The following RYR2 variants were observed in gnomAD, a reference collection of about 807,000 sequenced individuals.
The protein encoded by RYR2 is ryanodine receptor 2, also known as cardiac muscle ryanodine receptor-calcium release channel.
RYR2 carries 227 observed loss-of-function variants against 601.1 expected under a neutral mutation model. That is an observed-to-expected ratio of 0.38 (90% confidence interval 0.34 to 0.42). The LOEUF is 0.42. Ranked by LOEUF, RYR2 falls within the 10% of genes least tolerant of loss-of-function variation. The pLI, the probability that RYR2 is intolerant of heterozygous loss-of-function variation, is 1.00. For missense variants in RYR2, 4,646 were observed against 6,156.5 expected (o/e 0.75, Z 8.21); for synonymous variants, 2,223 against 2,175.1 (o/e 1.02, Z -0.61).
chr1:237,053,111 T>C (rs558144254), intron 1 of RYR2, among the ~76,000 whole-genome samples: 13 of 152,282 alleles, frequency 8.5e-5, no homozygotes, highest in African/African-American at 3.1e-4. Flanking sequence ...CCTCCCAAAG[T>C]GCTGGGATTA....
Position 237,696,775 on chromosome 1 carries a change from GCTCACCTCA to G in RYR2, c.9068-2188_9068-2180del, listed in dbSNP as rs534481563. Reference sequence around the variant, plus strand: ...TAGAGTTATCCTTGACTGCTTTCCCGCTCACCTCACATTCAATCCATAAGTAAATCCTTC... The same window carrying G: ...TAGAGTTATCCTTGACTGCTTTCCCGCATTCAATCCATAAGTAAATCCTTC... On this transcript the variant is annotated intron_variant, in intron 63 of 104. Transcript: ENST00000366574. Among the ~76,000 whole-genome samples, 80 of 151,248 alleles carry G rather than the reference GCTCACCTCA, an allele frequency of 5.3e-4. No individual in the cohort carries two copies. The East Asian group carries it at 0.015, about 27-fold the overall frequency.
At chr1:237,715,597 C>T (rs1215081751) in intron 71 of RYR2, among the ~76,000 whole-genome samples, 1 of 152,060 alleles carries the variant, frequency 6.6e-6, no homozygotes, top group Admixed American at 6.6e-5. Context: ...ATATAAGCTC[C>T]TTCTGCCTAT....
At chr1:237,576,755 A>G (rs1292221218) in intron 29 of RYR2, among the ~76,000 whole-genome samples, 1 of 152,172 alleles carries the variant, frequency 6.6e-6, no homozygotes, top group Non-Finnish European at 1.5e-5. Flanking sequence ...ACTGAAAAAA[A>G]TGTTAGTGCT....
chr1:237,214,911 C>T (rs948344222), intron 1 of RYR2, among the ~76,000 whole-genome samples: 5 of 151,922 alleles, frequency 3.3e-5, no homozygotes, highest in African/African-American at 7.3e-5. Context: ...TCCTGGAGCA[C>T]GTATATATCT....
At chr1:237,274,045 T>C (rs1447839778) in intron 2 of RYR2, among the ~76,000 whole-genome samples, 5 of 146,838 alleles carry the variant, frequency 3.4e-5, no homozygotes, top group African/African-American at 7.4e-5. Context: ...ATATAATATT[T>C]ATAATATATT....
chr1:237,061,251 ATCATCTATCT>A (rs1662812674), intron 1 of RYR2, among the ~76,000 whole-genome samples: 1 of 68,756 alleles, frequency 1.5e-5, no homozygotes, highest in Non-Finnish European at 3.6e-5. Flanking sequence ...CTATCTATCT[ATCATCTATCT>A]ATCTATCCAT....
chr1:237,564,410 C>T (rs1671757252), intron 27 of RYR2, among the ~76,000 whole-genome samples: 1 of 152,106 alleles, frequency 6.6e-6, no homozygotes, highest in African/African-American at 2.4e-5. Context: ...GCTGGGATTA[C>T]AGGCATATGC....
intron 6 of RYR2, among the ~76,000 whole-genome samples, chr1:237,370,141 A>G (rs531957124): frequency 3.0e-4 from 46 of 151,920 alleles, no homozygotes; most frequent in Non-Finnish European, 4.9e-4. Flanking sequence ...GCACATATAT[A>G]TGTGTATATA....
intron 1 of RYR2, among the ~76,000 whole-genome samples, chr1:237,136,368 T>C (rs911676937): frequency 5.9e-5 from 9 of 152,156 alleles, no homozygotes; most frequent in African/African-American, 2.2e-4. Flanking sequence ...CCTACTTTTT[T>C]CCCGTAGTTA....
intron 74 of RYR2, among the ~76,000 whole-genome samples, chr1:237,725,929 T>C (rs1156568742): frequency 6.6e-6 from 1 of 152,116 alleles, no homozygotes; most frequent in Non-Finnish European, 1.5e-5. Flanking sequence ...GAAATTTAAA[T>C]TGAAGTATGT....
chr1:237,271,906 G>A (rs932504310), intron 2 of RYR2, among the ~76,000 whole-genome samples: 1 of 152,158 alleles, frequency 6.6e-6, no homozygotes, highest in Admixed American at 6.5e-5. Flanking sequence ...AAGGCAGGCG[G>A]ATCACTTGAG....
At chr1:237,245,204 G>A (rs1291867131) in intron 1 of RYR2, among the ~76,000 whole-genome samples, 1 of 151,636 alleles carries the variant, frequency 6.6e-6, no homozygotes, top group Non-Finnish European at 1.5e-5. Flanking sequence ...GTGACAGAGG[G>A]AAGCTCTGTC....
At chr1:237,308,490 G>A (rs1694129475) in intron 2 of RYR2, among the ~76,000 whole-genome samples, 2 of 152,308 alleles carry the variant, frequency 1.3e-5, no homozygotes, top group African/African-American at 4.8e-5. Context: ...ATTTGTGTCT[G>A]GAATTGGTGG....
At chr1:237,297,805 C>T (rs552402125) in intron 2 of RYR2, among the ~76,000 whole-genome samples, 2 of 151,898 alleles carry the variant, frequency 1.3e-5, no homozygotes, top group East Asian at 3.9e-4. Context: ...GGCAAGAATG[C>T]AGTAGTGCAA....
chr1:237,251,954 A>G (rs1194197781), intron 1 of RYR2, among the ~76,000 whole-genome samples: 2 of 152,164 alleles, frequency 1.3e-5, no homozygotes, highest in South Asian at 2.1e-4. Flanking sequence ...AAATCCTGTC[A>G]ATTCCATTTT....
intron 1 of RYR2, among the ~76,000 whole-genome samples, chr1:237,181,736 T>C (rs1219698065): frequency 6.6e-6 from 1 of 152,236 alleles, no homozygotes; most frequent in Non-Finnish European, 1.5e-5. Flanking sequence ...ATGACTGTGC[T>C]GCATGAATGT....
chr1:237,831,173 G>C (rs1043308384), intron 103 of RYR2, among the ~76,000 whole-genome samples: 2 of 151,992 alleles, frequency 1.3e-5, no homozygotes, highest in Non-Finnish European at 2.9e-5. Flanking sequence ...TAGCATTATA[G>C]GGAAAAAAAA....
In RYR2 at chr1:237,660,207, T is replaced by TA. The variant is rs140488327; in HGVS notation, c.8298+143dup. ...CATTTTTTCTTCCAAAGGTCCCGTT[T>TA]AAAAAAAAAACCTTCTTATATTTTG... On this transcript the variant is annotated intron_variant, in intron 55 of 104. Transcript: ENST00000366574. 0.061 allele frequency: 24,622 copies of TA among 404,760 alleles called. 2,334 individuals are homozygous for TA. Among genetic ancestry groups the TA allele is most frequent in the African/African-American group, 0.31 (14,852 of 47,196 alleles). The allele number at this position is 404,760 out of a possible 1,614,324, so 25.1% of individuals were successfully genotyped here.
chr1:237,698,071 T>G (rs1687647112), intron 63 of RYR2, among the ~76,000 whole-genome samples: 1 of 151,250 alleles, frequency 6.6e-6, no homozygotes, highest in Admixed American at 6.6e-5. Flanking sequence ...TACATTCAGA[T>G]AATAGTTGTC....
Sources: allele counts gnomAD v4.1 joint callset (sites outside exome capture counted in the v4.1 genomes callset), GRCh38; gene constraint gnomAD v4.1.1; transcripts MANE v1.5; gene names NCBI Gene and HGNC (gene_info 2026-07-23, HGNC 2026-07-21).